MAX: variants seen among roughly 807,000 people sequenced by gnomAD.
MAX encodes MYC associated transcriptional regulator X.
Under a neutral mutation model 22.3 loss-of-function variants are expected in MAX, and 3 were observed. The ratio of observed to expected loss-of-function variants is 0.13; its 90% CI spans 0.06 to 0.35. The LOEUF (loss-of-function observed/expected upper bound fraction) is 0.35, where lower values mean the gene tolerates loss of function less well. Among genes scored for constraint, MAX ranks in the 10% least tolerant of loss-of-function variants. The pLI is 1.00. For synonymous variants in MAX, 72 were observed against 77.7 expected (o/e 0.93, Z 0.39); for missense variants, 119 against 209.4 (o/e 0.57, Z 2.66).
In MAX at chr14:65,093,026, T is replaced by C. The variant is rs542063692; in HGVS notation, c.171+682A>G. 2.6e-5 allele frequency among the ~76,000 whole-genome samples: 4 copies of C among 152,298 alleles called. No individual in the cohort carries two copies. Among genetic ancestry groups the C allele is most frequent in the East Asian group, 1.9e-4 (1 of 5,188 alleles). ...AATTCCAGGGAGTGACCCTAACCCA[T>C]AGGCTTTTACTCAAAGCTTCTAATT... On this transcript the variant is annotated intron_variant, in intron 3 of 4. Transcript: ENST00000358664. This position sits in a 1 kb window ranked among gnomAD's most constrained non-coding sequence, Gnocchi z 4.4.
In MAX at chr14:65,030,739, TAAAAAA is replaced by T. The variant is rs879817148; in HGVS notation, c.172-24461_172-24456del. On this transcript the variant is annotated intron_variant, in intron 3 of 3. Transcript: ENST00000341653. The surrounding 1 kb of genome is among the most constrained non-coding windows in gnomAD (Gnocchi z 4.5). ...TGGGCAACAAAGTGAGATCCTATCT[TAAAAAA>T]AAAAAAGAAGATGGAAACTAGGCCC... Among the ~76,000 whole-genome samples, 1 of 144,678 alleles carries T rather than the reference TAAAAAA, an allele frequency of 6.9e-6. No individual in the cohort carries two copies. Among genetic ancestry groups the T allele is most frequent in the Non-Finnish European group, 1.5e-5 (1 of 65,562 alleles). The allele number at this position is 144,678 out of a possible 152,430, so 94.9% of individuals were successfully genotyped here. A position where few individuals can be genotyped will look rare whatever the true frequency, so the allele number is the denominator to read the frequency against.
At chr14:65,056,577 T>C (rs28886684) in intron 3 of MAX, among the ~76,000 whole-genome samples, 35,288 of 152,154 alleles carry the variant, frequency 0.23, 7,541 homozygotes, top group African/African-American at 0.57. Context: ...TGATTACTGG[T>C]GAGGTTGAGA....
chr14:65,063,044 G>A (rs991722801), intron 3 of MAX, among the ~76,000 whole-genome samples: 2 of 152,220 alleles, frequency 1.3e-5, no homozygotes, highest in African/African-American at 4.8e-5. Context: ...GAACTCTGTG[G>A]CCACTTGGCT....
intron 3 of MAX, chr14:65,061,383 ATAC>A: frequency 6.3e-7 from 1 of 1,598,588 alleles, no homozygotes; most frequent in Non-Finnish European, 8.5e-7. Context: ...GTTTCAATAC[ATAC>A]TGCATTCTGT....
At chr14:65,036,314 G>A (rs2062192635) in intron 3 of MAX, among the ~76,000 whole-genome samples, 1 of 152,042 alleles carries the variant, frequency 6.6e-6, no homozygotes, top group African/African-American at 2.4e-5. Context: ...TTGGCTCACT[G>A]CAGCCTTGAC....
chr14:65,072,189 G>T (rs2062994358), downstream of MAX, among the ~76,000 whole-genome samples: 1 of 152,172 alleles, frequency 6.6e-6, no homozygotes, highest in South Asian at 2.1e-4. Flanking sequence ...CCTTGCTCTG[G>T]CTGGATTATA....
Position 65,044,463 on chromosome 14 carries a change from C to A in MAX, c.172-38179G>T, listed in dbSNP as rs765475648. ...CCCAAGGTGAGCCTGGGGAGCTGTT[C>A]ACTTGGGGCTGGATGATTTCCCTCC... On this transcript the variant is annotated intron_variant, in intron 3 of 3. Coordinates refer to the MAX transcript ENST00000341653. This position sits in a 1 kb window ranked among gnomAD's most constrained non-coding sequence, Gnocchi z 5.5. 6 of 1,588,758 alleles carry A rather than the reference C, an allele frequency of 3.8e-6. No individual in the cohort carries two copies. In the Admixed American group the frequency reaches 1.1e-4, roughly 30 times the overall value.
intron 3 of MAX, among the ~76,000 whole-genome samples, chr14:65,083,001 G>A (rs2063237886): frequency 6.6e-6 from 1 of 152,198 alleles, no homozygotes; most frequent in Non-Finnish European, 1.5e-5. Context: ...ACAGTACACT[G>A]CTGGCTTCAT....
At chr14:65,018,830 G>A (rs77330371) in intron 3 of MAX, among the ~76,000 whole-genome samples, 48 of 146,824 alleles carry the variant, frequency 3.3e-4, no homozygotes, top group African/African-American at 1.1e-3. Context: ...AAAAAAAAAG[G>A]CCAGGCGCGG....
chr14:65,093,420 T>C lies in MAX; in HGVS notation c.171+288A>G, dbSNP rs780247145. Reference sequence around the variant, plus strand: ...GAACTCTTGGCCACTCTTTATACTATAGTGTATAGTTATAATTTCTTGAAT... The same window carrying C: ...GAACTCTTGGCCACTCTTTATACTACAGTGTATAGTTATAATTTCTTGAAT... On this transcript the variant is annotated intron_variant, in intron 3 of 4. Transcript: ENST00000358664. This position sits in a 1 kb window ranked among gnomAD's most constrained non-coding sequence, Gnocchi z 4.4. 39 of 422,780 alleles carry C rather than the reference T, an allele frequency of 9.2e-5. No individual in the cohort carries two copies. The highest frequency in any genetic ancestry group is 5.5e-4 in the African/African-American group (27 of 49,334). The allele number at this position is 422,780 out of a possible 1,614,324, so 26.2% of individuals were successfully genotyped here.
intron 3 of MAX, among the ~76,000 whole-genome samples, chr14:65,066,068 A>G (rs2062928715): frequency 6.6e-6 from 1 of 152,170 alleles, no homozygotes; most frequent in African/African-American, 2.4e-5. Flanking sequence ...GCACTGGTGA[A>G]ACATGCTTGG....
chr14:65,053,387 A>C, intron 3 of MAX: 1 of 1,373,694 alleles, frequency 7.3e-7, no homozygotes, highest in Non-Finnish European at 9.5e-7. Flanking sequence ...GGGAGAGGGG[A>C]GGAGAGAGCA....
At chr14:65,039,416 C>T (rs2062293000) in intron 3 of MAX, among the ~76,000 whole-genome samples, 2 of 152,214 alleles carry the variant, frequency 1.3e-5, no homozygotes, top group African/African-American at 2.4e-5. Context: ...GATTAAACCT[C>T]TGAAACTTCC....
chr14:65,093,558 G>A lies in MAX; in HGVS notation c.171+150C>T. 2.9e-6 allele frequency: 2 copies of A among 690,690 alleles called. No individual in the cohort carries two copies. The highest frequency in any genetic ancestry group is 5.3e-6 in the Non-Finnish European group (2 of 373,880). The allele number at this position is 690,690 out of a possible 1,614,324, so 42.8% of individuals were successfully genotyped here. A position where few individuals can be genotyped will look rare whatever the true frequency, so the allele number is the denominator to read the frequency against. ...TAAACTGGAGTACGTAAGGTGTGCA[G>A]TGATCCTCCAAACAGTCAAAAATAA... On this transcript the variant is annotated intron_variant, in intron 3 of 4. Coordinates refer to ENST00000358664, the MANE Select transcript of MAX (RefSeq NM_002382.5). The surrounding 1 kb of genome is among the most constrained non-coding windows in gnomAD (Gnocchi z 4.4).
intron 2 of MAX, chr14:65,094,091 G>A (rs1218986766): frequency 4.6e-6 from 2 of 437,022 alleles, no homozygotes; most frequent in Non-Finnish European, 8.6e-6. Context: ...GGGACAAAGT[G>A]TGACTCTCCT....
rs1430757049 is a variant in MAX, at chr14:65,082,593, T to A, written c.172-4557A>T. Among the ~76,000 whole-genome samples, 1 of 151,846 alleles carries A rather than the reference T, an allele frequency of 6.6e-6. No individual in the cohort carries two copies. The highest frequency in any genetic ancestry group is 1.5e-5 in the Non-Finnish European group (1 of 67,940). ...AGCCTAGAAAACACAGCAAGACACT[T>A]GGGCTCTATAAAAAAATCAAAAGAT... On this transcript the variant is annotated intron_variant, in intron 3 of 4. Transcript: ENST00000358664. This position sits in a 1 kb window ranked among gnomAD's most constrained non-coding sequence, Gnocchi z 4.8.
intron 3 of MAX, among the ~76,000 whole-genome samples, chr14:65,038,505 G>A (rs1171812333): frequency 1.3e-5 from 2 of 151,930 alleles, no homozygotes; most frequent in Non-Finnish European, 2.9e-5. Flanking sequence ...AGATCACGAG[G>A]TCAGGAGTTC....
Position 65,012,320 on chromosome 14 carries a change from TG to T in MAX, c.172-6037del. 1 of 1,614,138 alleles carries T rather than the reference TG, an allele frequency of 6.2e-7. No individual in the cohort carries two copies. The highest frequency in any genetic ancestry group is 8.5e-7 in the Non-Finnish European group (1 of 1,179,972). On this transcript the variant is annotated intron_variant, in intron 3 of 3. Transcript: ENST00000341653. This position sits in a 1 kb window ranked among gnomAD's most constrained non-coding sequence, Gnocchi z 5.0. ...TATAAACTGTTTGTCTTTCCAGGCTTGTTTTGCAGAGGGAGAAGCACTTCCA... is the reference window on the plus strand; with the variant it reads ...TATAAACTGTTTGTCTTTCCAGGCTTTTTTGCAGAGGGAGAAGCACTTCCA...
At chr14:65,102,232 G>T in intron 1 of MAX, 72 bp downstream of exon 1, 1 of 1,599,630 alleles carries the variant, frequency 6.3e-7, no homozygotes. Flanking sequence ...TCCCGCCGTC[G>T]CCCCGCTAAG....
Sources: allele counts gnomAD v4.1 joint callset (sites outside exome capture counted in the v4.1 genomes callset), GRCh38; gene constraint gnomAD v4.1.1; non-coding constraint Gnocchi (gnomAD v3.1); transcripts MANE v1.5; gene names NCBI Gene and HGNC (gene_info 2026-07-23, HGNC 2026-07-21).